TMC5: variants seen among roughly 807,000 people sequenced by gnomAD.
The protein encoded by TMC5 is transmembrane channel like 5.
Under a neutral mutation model 110.5 loss-of-function variants are expected in TMC5, and 86 were observed. The ratio of observed to expected loss-of-function variants is 0.78; its 90% CI spans 0.65 to 0.93. The LOEUF is 0.93. Ranked by LOEUF, TMC5 falls within the 40% of genes least tolerant of loss-of-function variation. TMC5 has a pLI of 0.00. For synonymous variants in TMC5, 455 were observed against 439.5 expected (o/e 1.04, Z -0.44); for missense variants, 1,144 against 1,222.8 (o/e 0.94, Z 0.96).
chr16:19,489,551 G>A (rs1968833246), intron 17 of TMC5, among the ~76,000 whole-genome samples: 1 of 151,758 alleles, frequency 6.6e-6, no homozygotes. Flanking sequence ...AGCCAGGATG[G>A]TCTTGATCTC....
intron 8 of TMC5, among the ~76,000 whole-genome samples, chr16:19,465,550 A>G (rs1968166667): frequency 6.6e-6 from 1 of 152,008 alleles, no homozygotes; most frequent in Non-Finnish European, 1.5e-5. Flanking sequence ...TAAATAAATA[A>G]ATAATCTCCC....
At position 19,469,829 on chromosome 16, in the gene TMC5, A is replaced by G; in HGVS notation, c.1782+4A>G. ...GAATCTTAGCACTGAGATAAGGGTA[A>G]GGCGAGCTCACTTTACTCATTTGCC... On this transcript the variant is annotated splice_donor_region_variant and intron_variant, in intron 10 of 21. Coordinates refer to ENST00000542583, the MANE Select transcript of TMC5 (RefSeq NM_001261841.2). 6.2e-7 allele frequency: 1 copy of G among 1,613,856 alleles called. No individual in the cohort carries two copies. The highest frequency in any genetic ancestry group is 8.5e-7 in the Non-Finnish European group (1 of 1,179,794).
chr16:19,444,276 T>C, intron 4 of TMC5, 26 bp downstream of exon 4: 1 of 1,605,524 alleles, frequency 6.2e-7, no homozygotes, highest in Non-Finnish European at 8.5e-7. Context: ...GCCAGGATCA[T>C]ATCCTGGGAA....
At chr16:19,456,034 C>T (rs1006891001) in intron 5 of TMC5, among the ~76,000 whole-genome samples, 36 of 151,874 alleles carry the variant, frequency 2.4e-4, no homozygotes, top group East Asian at 1.9e-4. Flanking sequence ...GGTGAAACCC[C>T]GTCTCTACTA....
intron 5 of TMC5, among the ~76,000 whole-genome samples, chr16:19,452,854 G>A (rs1217383653): frequency 6.6e-6 from 1 of 152,056 alleles, no homozygotes; most frequent in African/African-American, 2.4e-5. Flanking sequence ...GGGAAAGACT[G>A]GAATCCTGCC....
At chr16:19,492,931 TATCTCTCTATAA>T (rs1189418985) in intron 19 of TMC5, among the ~76,000 whole-genome samples, 14 of 113,560 alleles carry the variant, frequency 1.2e-4, no homozygotes, top group South Asian at 3.5e-4. Context: ...TATATATATA[TATCTCTCTATAA>T]GATAAATACT....
chr16:19,453,153 G>A (rs1249014775), intron 5 of TMC5, among the ~76,000 whole-genome samples: 1 of 151,958 alleles, frequency 6.6e-6, no homozygotes, highest in Non-Finnish European at 1.5e-5. Flanking sequence ...CAAACCACAT[G>A]CAATTAAATA....
intron 5 of TMC5, chr16:19,456,765 G>T (rs371846567): frequency 1.2e-6 from 2 of 1,613,998 alleles, no homozygotes; most frequent in Non-Finnish European, 1.7e-6. Flanking sequence ...GTTTCCTCTG[G>T]GGTCCAAAGC....
chr16:19,416,163 T>C (rs965334600), upstream of TMC5, among the ~76,000 whole-genome samples: 3 of 151,050 alleles, frequency 2.0e-5, no homozygotes, highest in Non-Finnish European at 4.4e-5. Flanking sequence ...CCAGCCTTGG[T>C]TGACAAAGCA....
At chr16:19,422,213 A>G (rs1311088755) in intron 1 of TMC5, among the ~76,000 whole-genome samples, 2 of 151,418 alleles carry the variant, frequency 1.3e-5, no homozygotes, top group Admixed American at 6.6e-5. Flanking sequence ...CCCGGGCAAC[A>G]GAGCTAGACT....
chr16:19,452,552 AC>A (rs1234604882), intron 5 of TMC5, among the ~76,000 whole-genome samples: 3 of 151,682 alleles, frequency 2.0e-5, no homozygotes, highest in African/African-American at 7.3e-5. Context: ...CCCCGTCTCT[AC>A]TAAAAATACA....
At chr16:19,466,020 C>T (rs1597196899) in intron 8 of TMC5, 62 bp from the exon 9 acceptor site, 1 of 1,582,950 alleles carries the variant, frequency 6.3e-7, no homozygotes, top group Admixed American at 1.7e-5. Flanking sequence ...CTCTCATGAC[C>T]ATAATCGTTT....
At chr16:19,469,604 C>T (rs978447563) in intron 9 of TMC5, 77 bp from the exon 10 acceptor site, 5 of 1,567,290 alleles carry the variant, frequency 3.2e-6, no homozygotes, top group Non-Finnish European at 4.4e-6. Flanking sequence ...AATAATAGGG[C>T]TGCCCTTTGT....
At chr16:19,494,795 G>A (rs1279521374) in intron 20 of TMC5, among the ~76,000 whole-genome samples, 2 of 151,656 alleles carry the variant, frequency 1.3e-5, no homozygotes, top group Non-Finnish European at 2.9e-5. Context: ...TGACAGAGTG[G>A]CACTCTGTCT....
intron 5 of TMC5, among the ~76,000 whole-genome samples, chr16:19,458,157 C>T (rs1967934233): frequency 6.6e-6 from 1 of 152,090 alleles, no homozygotes; most frequent in Non-Finnish European, 1.5e-5. Context: ...TGAGACCTTC[C>T]AGCCTCTCTG....
At chr16:19,464,719 T>G (rs555936017) in intron 8 of TMC5, among the ~76,000 whole-genome samples, 23 of 152,302 alleles carry the variant, frequency 1.5e-4, no homozygotes, top group African/African-American at 5.3e-4. Context: ...CTTTTTAATT[T>G]TTATTTCTAC....
At chr16:19,410,865 G>A (rs1966854182) in exon 1 of TMC5, 1 of 152,290 alleles carries the variant, frequency 6.6e-6, no homozygotes, top group Non-Finnish European at 1.5e-5. Flanking sequence ...CTCCCAGAGA[G>A]GCTGGGAAGA....
intron 2 of TMC5, among the ~76,000 whole-genome samples, chr16:19,439,181 G>A (rs1235772895): frequency 6.6e-6 from 1 of 152,204 alleles, no homozygotes; most frequent in Non-Finnish European, 1.5e-5. Flanking sequence ...AATATGTTAG[G>A]AGGTAGCTTT....
chr16:19,475,111 ATGG>A (rs1968453564), intron 12 of TMC5, among the ~76,000 whole-genome samples: 1 of 152,160 alleles, frequency 6.6e-6, no homozygotes, highest in Non-Finnish European at 1.5e-5. Flanking sequence ...GTTCCTGGTT[ATGG>A]TGGGGTTTAT....
Sources: allele counts gnomAD v4.1 joint callset (sites outside exome capture counted in the v4.1 genomes callset), GRCh38; gene constraint gnomAD v4.1.1; transcripts MANE v1.5; gene names NCBI Gene and HGNC (gene_info 2026-07-23, HGNC 2026-07-21).